ADGRB3: variants seen among roughly 807,000 people sequenced by gnomAD.
The protein encoded by ADGRB3 is brain-specific angiogenesis inhibitor 3.
In ADGRB3, 37 loss-of-function variants were observed where a neutral mutation model predicts 193.4. The observed-to-expected ratio is 0.19, with a 90% confidence interval of 0.15 to 0.25. ADGRB3 has a LOEUF of 0.25. Among genes scored for constraint, ADGRB3 ranks in the 10% least tolerant of loss-of-function variants. The pLI, the probability that ADGRB3 is intolerant of heterozygous loss-of-function variation, is 1.00. For missense variants in ADGRB3, 1,637 were observed against 1,852.9 expected (o/e 0.88, Z 2.14); for synonymous variants, 690 against 644.2 (o/e 1.07, Z -1.08).
intron 17 of ADGRB3, among the ~76,000 whole-genome samples, chr6:69,217,613 C>T (rs1364305658): frequency 6.6e-6 from 1 of 152,158 alleles, no homozygotes; most frequent in Non-Finnish European, 1.5e-5. Context: ...TCGCCCAGCC[C>T]CATGGGCTGC....
At chr6:68,953,145 C>G (rs1767978553) in intron 6 of ADGRB3, among the ~76,000 whole-genome samples, 1 of 152,066 alleles carries the variant, frequency 6.6e-6, no homozygotes, top group African/African-American at 2.4e-5. Context: ...CGACATTTGA[C>G]TTGCACATTC....
At chr6:68,960,226 C>T (rs115886252) in intron 8 of ADGRB3, among the ~76,000 whole-genome samples, 3 of 152,232 alleles carry the variant, frequency 2.0e-5, no homozygotes, top group Non-Finnish European at 2.9e-5. Context: ...CATAAAATTT[C>T]GTTCTTGGAA....
At chr6:68,960,240 C>T (rs770416816) in intron 8 of ADGRB3, among the ~76,000 whole-genome samples, 3 of 152,138 alleles carry the variant, frequency 2.0e-5, no homozygotes, top group Non-Finnish European at 4.4e-5. Flanking sequence ...CTTGGAACCA[C>T]AGCTGCTTTG....
intron 20 of ADGRB3, among the ~76,000 whole-genome samples, chr6:69,304,291 C>T (rs2127297815): frequency 6.7e-6 from 1 of 149,382 alleles, no homozygotes; most frequent in South Asian, 2.1e-4. Flanking sequence ...TTGTTTCCTA[C>T]AGCCTTAGAA....
At chr6:68,806,686 A>G (rs1261075249) in intron 3 of ADGRB3, among the ~76,000 whole-genome samples, 2 of 151,796 alleles carry the variant, frequency 1.3e-5, no homozygotes, top group African/African-American at 2.4e-5. Flanking sequence ...ATAACACATA[A>G]TAAGAATATG....
intron 3 of ADGRB3, among the ~76,000 whole-genome samples, chr6:68,909,604 T>C (rs1384057931): frequency 1.3e-5 from 2 of 152,230 alleles, no homozygotes; most frequent in African/African-American, 4.8e-5. Flanking sequence ...GACAGACCTC[T>C]CTGTGACTTC....
At position 69,243,733 on chromosome 6, in the gene ADGRB3, G is replaced by A. The variant is rs114998034; in HGVS notation, c.2814+4507G>A. 3.0e-3 allele frequency among the ~76,000 whole-genome samples: 449 copies of A among 152,064 alleles called. 1 individual carries two copies. The highest frequency in any genetic ancestry group is 0.01 in the African/African-American group (422 of 41,506). On this transcript the variant is annotated intron_variant, in intron 20 of 31. Coordinates refer to ENST00000370598, the MANE Select transcript of ADGRB3 (RefSeq NM_001704.3). ...AGTAAAGTGTTGATTGTGGCTAGATGTACCTCAGTAAGAAGGACCTGTAGT... is the reference window on the plus strand; with the variant it reads ...AGTAAAGTGTTGATTGTGGCTAGATATACCTCAGTAAGAAGGACCTGTAGT...
intron 31 of ADGRB3, among the ~76,000 whole-genome samples, chr6:69,386,632 A>G (rs1770077293): frequency 6.6e-6 from 1 of 152,090 alleles, no homozygotes; most frequent in Non-Finnish European, 1.5e-5. Flanking sequence ...CTTTTCTGCT[A>G]TTCTCTTTTA....
chr6:69,298,464 C>A (rs771476933), intron 20 of ADGRB3, among the ~76,000 whole-genome samples: 1 of 151,852 alleles, frequency 6.6e-6, no homozygotes, highest in Non-Finnish European at 1.5e-5. Context: ...CTCTGTTGTG[C>A]TACTGAACAC....
chr6:68,998,195 A>T (rs914531286), intron 11 of ADGRB3, among the ~76,000 whole-genome samples: 8 of 152,334 alleles, frequency 5.3e-5, no homozygotes, highest in African/African-American at 1.9e-4. Flanking sequence ...TCCCCAGATT[A>T]TTCACCTTAC....
chr6:69,307,909 T>C (rs1441774389), intron 20 of ADGRB3, among the ~76,000 whole-genome samples: 1 of 151,434 alleles, frequency 6.6e-6, no homozygotes, highest in African/African-American at 2.4e-5. Context: ...ATTCAAGTTA[T>C]GTATTAAATG....
At chr6:69,035,909 G>C (rs2150295782) in intron 13 of ADGRB3, among the ~76,000 whole-genome samples, 1 of 152,252 alleles carries the variant, frequency 6.6e-6, no homozygotes, top group East Asian at 1.9e-4. Flanking sequence ...TATGGAAATG[G>C]GAAAGATTAC....
intron 11 of ADGRB3, among the ~76,000 whole-genome samples, chr6:69,009,755 C>G (rs1769878200): frequency 6.6e-6 from 1 of 152,074 alleles, no homozygotes; most frequent in African/African-American, 2.4e-5. Context: ...CTTACTAAAT[C>G]TGACTCTTAG....
intron 20 of ADGRB3, among the ~76,000 whole-genome samples, chr6:69,288,799 G>T (rs1049319508): frequency 6.6e-6 from 1 of 152,006 alleles, no homozygotes; most frequent in Admixed American, 6.6e-5. Context: ...GATAACAGTG[G>T]AATCTCTCTG....
Position 69,137,886 on chromosome 6 carries a change from A to G in ADGRB3, c.2480+61848A>G, listed in dbSNP as rs938587726. Among the ~76,000 whole-genome samples, 3 of 152,234 alleles carry G rather than the reference A, an allele frequency of 2.0e-5. No individual in the cohort carries two copies. The East Asian group carries it at 5.8e-4, about 29-fold the overall frequency. On this transcript the variant is annotated intron_variant, in intron 17 of 31. Coordinates refer to ENST00000370598, the MANE Select transcript of ADGRB3 (RefSeq NM_001704.3). ...TCTCTGCCTCATGTTAACAGAACAA[A>G]TAGGTGAAATGTTTGGCAGAATGGC...
At chr6:69,118,022 A>G (rs937119891) in intron 17 of ADGRB3, among the ~76,000 whole-genome samples, 16 of 152,194 alleles carry the variant, frequency 1.1e-4, no homozygotes, top group African/African-American at 3.9e-4. Flanking sequence ...TAACAGCATA[A>G]TTAACACTTT....
At chr6:69,289,411 C>T (rs1767618732) in intron 20 of ADGRB3, among the ~76,000 whole-genome samples, 1 of 152,196 alleles carries the variant, frequency 6.6e-6, no homozygotes, top group African/African-American at 2.4e-5. Flanking sequence ...TAGCACTTTT[C>T]ATAGAACTCT....
intron 17 of ADGRB3, among the ~76,000 whole-genome samples, chr6:69,110,571 T>C (rs939269695): frequency 6.6e-6 from 1 of 152,238 alleles, no homozygotes; most frequent in Non-Finnish European, 1.5e-5. Context: ...ATTGAATCCT[T>C]AACATTTCTC....
At chr6:69,378,083 G>C (rs1019894534) in intron 30 of ADGRB3, among the ~76,000 whole-genome samples, 1 of 152,058 alleles carries the variant, frequency 6.6e-6, no homozygotes, top group African/African-American at 2.4e-5. Flanking sequence ...AGCACCTGCT[G>C]AATGCCAGAT....
Sources: gnomAD v4.1 joint callset for allele counts (sites outside exome capture counted in the v4.1 genomes callset) on GRCh38, gnomAD v4.1.1 for gene constraint, MANE v1.5 for transcripts, NCBI Gene and HGNC (gene_info 2026-07-23, HGNC 2026-07-21) for gene names.